Variants in AP1S3 observed in about 807,000 individuals in gnomAD.
The protein encoded by AP1S3 is adaptor related protein complex 1 subunit sigma 3.
Under a neutral mutation model 20.9 loss-of-function variants are expected in AP1S3, and 10 were observed. The observed-to-expected ratio is 0.48, with a 90% CI of 0.29 to 0.81. The LOEUF is 0.81. Ranked by LOEUF, AP1S3 falls within the 30% of genes least tolerant of loss-of-function variation. AP1S3 has a pLI of 0.08. For missense variants in AP1S3, 154 were observed against 183.8 expected, an observed-to-expected ratio of 0.84 and a Z score of 0.94; for synonymous variants, 41 against 61.5, an observed-to-expected ratio of 0.67 and a Z score of 1.56.
At chr2:223,836,184 AG>A (rs1295412860) in intron 1 of AP1S3, among the ~76,000 whole-genome samples, 1 of 152,150 alleles carries the variant, frequency 6.6e-6, no homozygotes, top group Non-Finnish European at 1.5e-5. Context: ...GTGGGCCCAC[AG>A]GGTGCAGGTC....
At chr2:223,810,386 C>T (rs959978293) in intron 1 of AP1S3, among the ~76,000 whole-genome samples, 2 of 152,150 alleles carry the variant, frequency 1.3e-5, no homozygotes, top group Non-Finnish European at 2.9e-5. Flanking sequence ...AATCACCACT[C>T]ACTATAGCCT....
intron 1 of AP1S3, among the ~76,000 whole-genome samples, chr2:223,836,888 T>C (rs1420012931): frequency 6.6e-6 from 1 of 151,938 alleles, no homozygotes; most frequent in African/African-American, 2.4e-5. Flanking sequence ...AACAAGGCCT[T>C]CTCCCCTCCG....
chr2:223,763,198 G>A (rs1395299404), intron 4 of AP1S3, among the ~76,000 whole-genome samples: 3 of 152,146 alleles, frequency 2.0e-5, no homozygotes, highest in Non-Finnish European at 4.4e-5. Context: ...AGGGCTAAAT[G>A]CAAGGTCCCC....
chr2:223,814,973 C>G (rs1280820127), intron 1 of AP1S3, among the ~76,000 whole-genome samples: 3 of 152,146 alleles, frequency 2.0e-5, no homozygotes, highest in Admixed American at 2.0e-4. Context: ...GGGTGTCTCA[C>G]TATGTTGCCA....
intron 3 of AP1S3, among the ~76,000 whole-genome samples, chr2:223,766,051 C>T (rs1221869111): frequency 6.6e-6 from 1 of 152,172 alleles, no homozygotes; most frequent in African/African-American, 2.4e-5. Context: ...GGCAAGATCA[C>T]TCCCATCATC....
intron 1 of AP1S3, among the ~76,000 whole-genome samples, chr2:223,827,744 G>C (rs1574732492): frequency 6.8e-6 from 1 of 147,286 alleles, no homozygotes; most frequent in Non-Finnish European, 1.5e-5. Context: ...AAAATCTAAA[G>C]TATTTTCATT....
Position 223,759,295 on chromosome 2 carries a change from AAGAG to A in AP1S3, c.430-549_430-546del, listed in dbSNP as rs1186604803. Among the ~76,000 whole-genome samples, 24 of 150,232 alleles carry A rather than the reference AAGAG, an allele frequency of 1.6e-4. No individual in the cohort carries two copies. The East Asian group carries it at 2.0e-3, about 13-fold the overall frequency. On this transcript the variant is annotated intron_variant, in intron 4 of 4. Coordinates refer to ENST00000396654, the MANE Select transcript of AP1S3 (RefSeq NM_001039569.2). The stretch of plus-strand genomic sequence containing the variant: ...CTCCGTCTCAAAAACAAAAAAAAAA[AAGAG>A]AGAGAGAGAGAGATTGAAATGCTAA...
In AP1S3 at chr2:223,758,503, C is replaced by G; in HGVS notation, c.*212G>C. 1 of 1,233,336 alleles carries G rather than the reference C, an allele frequency of 8.1e-7. No homozygotes were observed. The highest frequency in any genetic ancestry group is 1.0e-6 in the Non-Finnish European group (1 of 987,982). The allele number at this position is 1,233,336 out of a possible 1,614,324, so 76.4% of individuals were successfully genotyped here. ...ACATTTAGAGCTACAAGTACCTATA[C>G]AGTATAACACAGACACATAATTTTT... On this transcript the variant is annotated 3_prime_UTR_variant, in exon 5 of 5. Transcript: ENST00000396654.
chr2:223,765,275 TTTCCCCACCTATTA>T lies in AP1S3; in HGVS notation c.353_366del (p.Ile118AsnfsTer14). On this transcript the variant is annotated frameshift_variant, in exon 4 of 5. Coordinates refer to ENST00000396654, the MANE Select transcript of AP1S3 (RefSeq NM_001039569.2). LOFTEE classifies it high-confidence loss of function. The stretch of plus-strand genomic sequence containing the variant: ...GCAATTTTCTTGGATGTTTCCTGAA[TTTCCCCACCTATTA>T]TAAACTCGTCCAGGATGAAATAAGC... 1 of 1,614,140 alleles carries T rather than the reference TTTCCCCACCTATTA, an allele frequency of 6.2e-7. No homozygotes were observed. The highest frequency in any genetic ancestry group is 8.5e-7 in the Non-Finnish European group (1 of 1,180,026).
chr2:223,805,721 T>C (rs181733083), intron 1 of AP1S3, among the ~76,000 whole-genome samples: 1 of 152,360 alleles, frequency 6.6e-6, no homozygotes, highest in Admixed American at 6.5e-5. Context: ...TTCTTAAAGG[T>C]TGATCCTCAA....
intron 4 of AP1S3, 145 bp from the exon 5 acceptor site, chr2:223,758,895 C>A: frequency 1.5e-6 from 1 of 685,958 alleles, no homozygotes; most frequent in Non-Finnish European, 2.3e-6. Context: ...TCTTTGCATT[C>A]TAATCAAAGT....
At chr2:223,810,418 C>G (rs968890432) in intron 1 of AP1S3, among the ~76,000 whole-genome samples, 1 of 152,134 alleles carries the variant, frequency 6.6e-6, no homozygotes, top group Non-Finnish European at 1.5e-5. Flanking sequence ...GCTCGAGCCT[C>G]CCACCTCAGC....
At chr2:223,776,265 A>C (rs1690782331) in intron 2 of AP1S3, 2 of 545,350 alleles carry the variant, frequency 3.7e-6, no homozygotes, top group South Asian at 3.4e-5. Flanking sequence ...AGCTATTATC[A>C]GGAGGACAGT....
intron 1 of AP1S3, among the ~76,000 whole-genome samples, chr2:223,792,054 C>A (rs1022268596): frequency 2.0e-5 from 3 of 152,130 alleles, no homozygotes; most frequent in Non-Finnish European, 4.4e-5. Flanking sequence ...GAATCAATAT[C>A]TGAAAATGAC....
Position 223,778,606 on chromosome 2 carries a change from C to T in AP1S3, c.4-737G>A, listed in dbSNP as rs189006457. On this transcript the variant is annotated intron_variant, in intron 1 of 4. Transcript: ENST00000396654. Reference sequence around the variant, plus strand: ...CGGCACCAATATTTAACTATAGAAACATAATGATAATATAGAAATAAAGGG... The same window carrying T: ...CGGCACCAATATTTAACTATAGAAATATAATGATAATATAGAAATAAAGGG... Among the ~76,000 whole-genome samples the T allele has an allele frequency of 4.4e-3, 669 of 151,436 alleles. 7 individuals carry two copies. Among genetic ancestry groups the T allele is most frequent in the African/African-American group, 0.015 (628 of 41,262 alleles).
At chr2:223,799,208 GACACACACACACACACACACAC>G (rs10527751) in intron 1 of AP1S3, among the ~76,000 whole-genome samples, 1 of 145,892 alleles carries the variant, frequency 6.9e-6, no homozygotes, top group Non-Finnish European at 1.5e-5. Context: ...TTCGGGCCTA[GACACACACACACACACACACAC>G]ACACACACAC....
intron 1 of AP1S3, among the ~76,000 whole-genome samples, chr2:223,783,401 G>A (rs1690998472): frequency 6.6e-6 from 1 of 152,184 alleles, no homozygotes; most frequent in South Asian, 2.1e-4. Context: ...GACATCAGGT[G>A]ATTCCAGCTT....
intron 1 of AP1S3, among the ~76,000 whole-genome samples, chr2:223,827,518 G>C (rs1692160978): frequency 6.6e-6 from 1 of 151,946 alleles, no homozygotes; most frequent in Admixed American, 6.6e-5. Context: ...AAGTAACTGG[G>C]ATTACAGGGG....
chr2:223,761,965 G>C lies in AP1S3; in HGVS notation c.430-3215C>G, dbSNP rs192918637. ...GTGGTTAATGACCACTATCGCCTTT[G>C]AGAGTTTCATTTTCTTTTCTTTTTT... On this transcript the variant is annotated intron_variant, in intron 4 of 4. Coordinates refer to ENST00000396654, the MANE Select transcript of AP1S3 (RefSeq NM_001039569.2). 5.3e-5 allele frequency among the ~76,000 whole-genome samples: 8 copies of C among 152,036 alleles called. 1 individual carries two copies. Among genetic ancestry groups the C allele is most frequent in the African/African-American group, 1.7e-4 (7 of 41,508 alleles).
Sources: allele counts gnomAD v4.1 joint callset (sites outside exome capture counted in the v4.1 genomes callset), GRCh38; gene constraint gnomAD v4.1.1; transcripts MANE v1.5; gene names NCBI Gene and HGNC (gene_info 2026-07-23, HGNC 2026-07-21).